DLGAP1: variants seen among roughly 807,000 people sequenced by gnomAD.
The protein encoded by DLGAP1 is disks large-associated protein 1.
In DLGAP1, 11 loss-of-function variants were observed where a neutral mutation model predicts 90.8. The ratio of observed to expected loss-of-function variants is 0.12; its 90% CI spans 0.08 to 0.20. DLGAP1 has a LOEUF of 0.20. Among genes scored for constraint, DLGAP1 ranks in the 10% least tolerant of loss-of-function variants. The probability of loss-of-function intolerance (pLI) is 1.00; values close to 1 mark genes in which losing one functional copy is unlikely to be tolerated. For synonymous variants in DLGAP1, 558 were observed against 540.7 expected, an observed-to-expected ratio of 1.03 and a Z score of -0.44; for missense variants, 1,050 against 1,333.8, an observed-to-expected ratio of 0.79 and a Z score of 3.31.
intron 2 of DLGAP1, among the ~76,000 whole-genome samples, chr18:4,029,572 A>G (rs2074759412): frequency 6.6e-6 from 1 of 152,194 alleles, no homozygotes. Flanking sequence ...TCCCAGGCCT[A>G]TCCTTGTATT....
intron 7 of DLGAP1, among the ~76,000 whole-genome samples, chr18:3,651,384 A>G (rs1001056409): frequency 2.0e-5 from 3 of 152,254 alleles, no homozygotes; most frequent in Non-Finnish European, 4.4e-5. Flanking sequence ...AAACAAACAA[A>G]AAGTTGAAAC....
chr18:4,182,613 C>A (rs368684593), intron 1 of DLGAP1, among the ~76,000 whole-genome samples: 1 of 152,100 alleles, frequency 6.6e-6, no homozygotes, highest in African/African-American at 2.4e-5. Flanking sequence ...ATCTTCCATG[C>A]GTGTATTAAA....
intron 2 of DLGAP1, among the ~76,000 whole-genome samples, chr18:4,058,823 TA>T (rs1441648089): frequency 6.6e-6 from 1 of 152,204 alleles, no homozygotes; most frequent in African/African-American, 2.4e-5. Flanking sequence ...TTGCAGCAGC[TA>T]GCTGCAAAAC....
chr18:3,807,646 T>C (rs1297269923), intron 5 of DLGAP1, among the ~76,000 whole-genome samples: 3 of 79,598 alleles, frequency 3.8e-5, no homozygotes, highest in African/African-American at 1.8e-4. Context: ...GTTTGTTACA[T>C]AGGTAAACGT....
At chr18:3,709,999 G>C (rs1185284766) in intron 7 of DLGAP1, among the ~76,000 whole-genome samples, 1 of 152,148 alleles carries the variant, frequency 6.6e-6, no homozygotes, top group Non-Finnish European at 1.5e-5. Flanking sequence ...ATGAATTACT[G>C]CTACTCCTAC....
chr18:3,542,609 T>C (rs990490582), intron 9 of DLGAP1, among the ~76,000 whole-genome samples: 1 of 152,180 alleles, frequency 6.6e-6, no homozygotes, highest in African/African-American at 2.4e-5. Context: ...TTCCAGAACA[T>C]TGTTATGAGA....
chr18:4,356,209 G>A (rs533193246), intron 1 of DLGAP1, among the ~76,000 whole-genome samples: 6 of 151,780 alleles, frequency 4.0e-5, no homozygotes, highest in Non-Finnish European at 8.8e-5. Context: ...GTCTCATTTG[G>A]AGGTTCTTCT....
rs573377642 is a variant in DLGAP1 at position 4,201,802 on chromosome 18, A to G, written c.-266-50515T>C. On this transcript the variant is annotated intron_variant, in intron 1 of 12. Transcript: ENST00000315677. ...CCACTTTACCCCAGTCAAAATGGCC[A>G]TTATTAAAAAGTCAAAAACCAATAG... 1.2e-3 allele frequency among the ~76,000 whole-genome samples: 190 copies of G among 152,300 alleles called. 4 individuals are homozygous for G. The South Asian group carries it at 0.024, about 20-fold the overall frequency.
chr18:4,104,177 C>T (rs890603190), intron 2 of DLGAP1, among the ~76,000 whole-genome samples: 1 of 151,942 alleles, frequency 6.6e-6, no homozygotes, highest in Non-Finnish European at 1.5e-5. Flanking sequence ...GTAGAAATCA[C>T]CTAACATTTT....
chr18:4,320,965 A>C (rs2080672360), intron 1 of DLGAP1, among the ~76,000 whole-genome samples: 1 of 152,364 alleles, frequency 6.6e-6, no homozygotes, highest in East Asian at 1.9e-4. Context: ...CAGGATGGAA[A>C]AATAGACATT....
chr18:3,801,814 T>C (rs1406168023), intron 5 of DLGAP1, among the ~76,000 whole-genome samples: 2 of 152,174 alleles, frequency 1.3e-5, no homozygotes, highest in African/African-American at 4.8e-5. Context: ...AGAAAGCCTC[T>C]TCACGAGAAG....
At chr18:4,152,288 A>C (rs2076687484) in intron 1 of DLGAP1, among the ~76,000 whole-genome samples, 1 of 152,230 alleles carries the variant, frequency 6.6e-6, no homozygotes, top group Admixed American at 6.5e-5. Flanking sequence ...CTAAGTAATA[A>C]GCAGAAATGT....
chr18:4,380,336 T>C (rs1019594863), intron 1 of DLGAP1, among the ~76,000 whole-genome samples: 10 of 152,156 alleles, frequency 6.6e-5, no homozygotes, highest in Non-Finnish European at 1.3e-4. Flanking sequence ...CTTTAAGAAG[T>C]TGCCAATTTA....
At position 3,879,102 on chromosome 18, in the gene DLGAP1, G is replaced by A; in HGVS notation, c.957+10C>T. 1 of 1,490,206 alleles carries A rather than the reference G, an allele frequency of 6.7e-7. No individual in the cohort carries two copies. Among genetic ancestry groups the A allele is most frequent in the Non-Finnish European group, 8.9e-7 (1 of 1,120,164 alleles). 92.3% of individuals were successfully genotyped at this position (1,490,206 alleles called of 1,614,324 possible). ...TACTTCTAAGCCTCCATCATTGACA[G>A]AAATGGTACCTGCAGGTACTGGCAG... On this transcript the variant is annotated intron_variant, in intron 4 of 12. Coordinates refer to ENST00000315677, the MANE Select transcript of DLGAP1 (RefSeq NM_004746.4). The surrounding 1 kb of genome is among the most constrained non-coding windows in gnomAD (Gnocchi z 6.6).
intron 7 of DLGAP1, among the ~76,000 whole-genome samples, chr18:3,588,660 T>A (rs766606320): frequency 1.4e-5 from 2 of 138,444 alleles, no homozygotes; most frequent in Non-Finnish European, 3.1e-5. Flanking sequence ...TGTGCCTGTA[T>A]TCCCAGCTAC....
chr18:3,950,989 C>T (rs965101481), intron 3 of DLGAP1, among the ~76,000 whole-genome samples: 3 of 152,208 alleles, frequency 2.0e-5, no homozygotes, highest in East Asian at 3.9e-4. Context: ...AGAAAGTGTC[C>T]CTTAAACAGC....
chr18:4,000,605 A>G (rs1476330374), intron 3 of DLGAP1, among the ~76,000 whole-genome samples: 1 of 152,242 alleles, frequency 6.6e-6, no homozygotes, highest in Non-Finnish European at 1.5e-5. Flanking sequence ...AAAGGCTCAT[A>G]GGAACATTAC....
intron 2 of DLGAP1, among the ~76,000 whole-genome samples, chr18:4,066,332 G>T (rs2075369446): frequency 6.6e-6 from 1 of 152,082 alleles, no homozygotes; most frequent in East Asian, 1.9e-4. Context: ...AAACTAGAGA[G>T]CTTCTGTACA....
At chr18:4,009,238 T>C (rs979076730) in intron 2 of DLGAP1, among the ~76,000 whole-genome samples, 2 of 152,188 alleles carry the variant, frequency 1.3e-5, no homozygotes, top group African/African-American at 4.8e-5. Flanking sequence ...TTGCGCTCCA[T>C]GCTCCTCTTG....
Sources: gnomAD v4.1 joint callset for allele counts (sites outside exome capture counted in the v4.1 genomes callset) on GRCh38, gnomAD v4.1.1 for gene constraint, Gnocchi (gnomAD v3.1) non-coding constraint, MANE v1.5 for transcripts, NCBI Gene and HGNC (gene_info 2026-07-23, HGNC 2026-07-21) for gene names.